Variants in THADA observed in about 807,000 individuals in gnomAD.
THADA encodes the protein THADA armadillo repeat containing, also known as tRNA (32-2'-O)-methyltransferase regulator THADA.
THADA carries 213 observed loss-of-function variants against 219.8 expected under a neutral mutation model. The ratio of observed to expected loss-of-function variants is 0.97; its 90% CI spans 0.87 to 1.09. THADA has a LOEUF of 1.09. Among genes scored for constraint, THADA ranks in the 50% least tolerant of loss-of-function variants. The probability of loss-of-function intolerance (pLI) is 0.00; values close to 1 mark genes in which losing one functional copy is unlikely to be tolerated. For missense variants in THADA, 2,956 were observed against 2,311.3 expected, an observed-to-expected ratio of 1.28 and a Z score of -5.72; for synonymous variants, 1,018 against 828.9, an observed-to-expected ratio of 1.23 and a Z score of -3.92.
intron 25 of THADA, among the ~76,000 whole-genome samples, chr2:43,490,439 T>C (rs1687485997): frequency 6.6e-6 from 1 of 152,194 alleles, no homozygotes; most frequent in Admixed American, 6.5e-5. Context: ...ATTTCAGTCC[T>C]TTACCATCAA....
intron 7 of THADA, among the ~76,000 whole-genome samples, chr2:43,582,457 A>T (rs1700560024): frequency 6.7e-6 from 1 of 149,892 alleles, no homozygotes; most frequent in South Asian, 2.2e-4. Context: ...AGATGGCACT[A>T]CTGCACTCCA....
chr2:43,359,720 T>G (rs1158434293), intron 29 of THADA, among the ~76,000 whole-genome samples: 1 of 151,844 alleles, frequency 6.6e-6, no homozygotes, highest in African/African-American at 2.4e-5. Flanking sequence ...CTTTTACTCT[T>G]AGGCATTTTC....
intron 30 of THADA, among the ~76,000 whole-genome samples, chr2:43,334,643 C>T (rs560972937): frequency 1.4e-4 from 22 of 152,092 alleles, no homozygotes; most frequent in Non-Finnish European, 2.5e-4. Flanking sequence ...GGCGTGGTGG[C>T]GGGCGCCTGT....
chr2:43,266,136 C>A (rs139483803), intron 36 of THADA, among the ~76,000 whole-genome samples: 90 of 152,196 alleles, frequency 5.9e-4, no homozygotes, highest in African/African-American at 2.0e-3. Context: ...GTAACCTGAC[C>A]CTACAGGCTC....
chr2:43,301,808 A>C (rs1201304211), intron 31 of THADA, among the ~76,000 whole-genome samples: 1 of 152,172 alleles, frequency 6.6e-6, no homozygotes, highest in Non-Finnish European at 1.5e-5. Flanking sequence ...TTAGTGGTAC[A>C]GTCTGTTTCC....
At chr2:43,281,141 G>T (rs958185611) in intron 35 of THADA, among the ~76,000 whole-genome samples, 1 of 152,172 alleles carries the variant, frequency 6.6e-6, no homozygotes, top group Non-Finnish European at 1.5e-5. Flanking sequence ...TACCTCATCT[G>T]TACATGGAGA....
intron 26 of THADA, among the ~76,000 whole-genome samples, chr2:43,483,925 T>C (rs1332048069): frequency 6.6e-6 from 1 of 152,076 alleles, no homozygotes; most frequent in Non-Finnish European, 1.5e-5. Context: ...TGTTTTAAAC[T>C]GTAGCACACT....
chr2:43,584,312 A>G (rs573091040), intron 7 of THADA, among the ~76,000 whole-genome samples: 67 of 152,326 alleles, frequency 4.4e-4, no homozygotes, highest in Admixed American at 6.5e-4. Flanking sequence ...ACCACTCAGG[A>G]AAGAGATCTA....
intron 22 of THADA, among the ~76,000 whole-genome samples, chr2:43,526,743 A>C (rs1693216556): frequency 6.6e-6 from 1 of 152,170 alleles, no homozygotes; most frequent in South Asian, 2.1e-4. Flanking sequence ...AAATATTTTG[A>C]ATTTCATCTC....
chr2:43,443,590 GT>G (rs1681128774), intron 26 of THADA, among the ~76,000 whole-genome samples: 3 of 152,256 alleles, frequency 2.0e-5, no homozygotes, highest in Admixed American at 6.5e-5. Flanking sequence ...AACAATAAAA[GT>G]GATAGCCAAA....
chr2:43,515,981 A>G (rs998384636), intron 22 of THADA, among the ~76,000 whole-genome samples: 2 of 152,166 alleles, frequency 1.3e-5, no homozygotes, highest in African/African-American at 2.4e-5. Context: ...TAAAAGAATA[A>G]CAAATCGATC....
intron 36 of THADA, among the ~76,000 whole-genome samples, chr2:43,246,399 G>T (rs1669151647): frequency 6.6e-6 from 1 of 152,158 alleles, no homozygotes; most frequent in Non-Finnish European, 1.5e-5. Flanking sequence ...GGAGGCTGAG[G>T]CAGGAGAATC....
Position 43,248,454 on chromosome 2 carries a change from A to C in THADA, c.5297-15572T>G, listed in dbSNP as rs1239096690. Among the ~76,000 whole-genome samples the C allele has an allele frequency of 2.6e-5, 4 of 151,608 alleles. No individual in the cohort carries two copies. In the East Asian group the frequency reaches 7.8e-4, roughly 30 times the overall value. On this transcript the variant is annotated intron_variant, in intron 36 of 37. Coordinates refer to ENST00000405975, the MANE Select transcript of THADA (RefSeq NM_022065.5). ...GCCATGTTGGCCAGGCTGGTCTTGAACTCCTGACCTCAGGAGATCTGCCCG... is the reference window on the plus strand; with the variant it reads ...GCCATGTTGGCCAGGCTGGTCTTGACCTCCTGACCTCAGGAGATCTGCCCG...
chr2:43,263,898 C>A (rs1026741408), intron 36 of THADA, among the ~76,000 whole-genome samples: 1 of 149,666 alleles, frequency 6.7e-6, no homozygotes, highest in African/African-American at 2.6e-5. Context: ...TCTCACCCCA[C>A]CCCTCAACAA....
At chr2:43,542,896 T>C (rs1558940731) in intron 20 of THADA, among the ~76,000 whole-genome samples, 1 of 152,176 alleles carries the variant, frequency 6.6e-6, no homozygotes, top group South Asian at 2.1e-4. Flanking sequence ...CTTTAAGTTT[T>C]AGGGTACATG....
chr2:43,419,503 T>C (rs1190916088), intron 28 of THADA, among the ~76,000 whole-genome samples: 2 of 152,236 alleles, frequency 1.3e-5, no homozygotes, highest in African/African-American at 2.4e-5. Flanking sequence ...AAACACACTA[T>C]GTCATTATTT....
intron 26 of THADA, chr2:43,484,425 A>C (rs1419475045): frequency 5.9e-6 from 1 of 169,206 alleles, no homozygotes; most frequent in Admixed American, 6.5e-5. Context: ...TAGATCCTCA[A>C]GAGAAAGACC....
At chr2:43,511,362 C>T (rs1354523320) in intron 22 of THADA, among the ~76,000 whole-genome samples, 1 of 152,186 alleles carries the variant, frequency 6.6e-6, no homozygotes, top group South Asian at 2.1e-4. Context: ...CCTGAGTGAG[C>T]CCGCAGAGGC....
intron 22 of THADA, among the ~76,000 whole-genome samples, chr2:43,511,743 C>T (rs781730841): frequency 9.9e-5 from 15 of 152,214 alleles, no homozygotes; most frequent in Non-Finnish European, 2.1e-4. Context: ...CCTCCAAATA[C>T]TGCATCTCAC....
Sources: gnomAD v4.1 joint callset for allele counts (sites outside exome capture counted in the v4.1 genomes callset) on GRCh38, gnomAD v4.1.1 for gene constraint, MANE v1.5 for transcripts, NCBI Gene and HGNC (gene_info 2026-07-23, HGNC 2026-07-21) for gene names.